The following CACNA2D1 variants were observed in gnomAD, a reference collection of about 807,000 sequenced individuals.
The protein encoded by CACNA2D1 is voltage-dependent calcium channel subunit alpha-2/delta-1.
Under a neutral mutation model 171.5 loss-of-function variants are expected in CACNA2D1, and 53 were observed. The ratio of observed to expected loss-of-function variants is 0.31; its 90% CI spans 0.25 to 0.39. The LOEUF (loss-of-function observed/expected upper bound fraction) is 0.39. Among genes scored for constraint, CACNA2D1 ranks in the 10% least tolerant of loss-of-function variants. The pLI is 1.00. For missense variants in CACNA2D1, 903 were observed against 1,299.8 expected (o/e 0.69, Z 4.69); for synonymous variants, 442 against 443.1 (o/e 1.00, Z 0.03).
At chr7:82,429,392 G>A (rs1829479803) in intron 1 of CACNA2D1, among the ~76,000 whole-genome samples, 1 of 152,018 alleles carries the variant, frequency 6.6e-6, no homozygotes, top group African/African-American at 2.4e-5. Flanking sequence ...GGCAACAGAA[G>A]GAAGAAGGAA....
intron 1 of CACNA2D1, among the ~76,000 whole-genome samples, chr7:82,416,825 C>A (rs1828224416): frequency 6.6e-6 from 1 of 152,138 alleles, no homozygotes; most frequent in African/African-American, 2.4e-5. Flanking sequence ...CAAGTCAACC[C>A]ATGTGGGTAC....
chr7:82,102,835 C>T (rs182569414), intron 6 of CACNA2D1, among the ~76,000 whole-genome samples: 60 of 152,214 alleles, frequency 3.9e-4, no homozygotes, highest in African/African-American at 1.2e-3. Context: ...GTGCATAATC[C>T]TATGTGTTGA....
intron 4 of CACNA2D1, among the ~76,000 whole-genome samples, chr7:82,142,005 G>A (rs1792453089): frequency 6.6e-6 from 1 of 152,054 alleles, no homozygotes; most frequent in African/African-American, 2.4e-5. Context: ...ATGTCTTTAT[G>A]CAAATTATTA....
chr7:82,394,827 T>G (rs1046063053), intron 1 of CACNA2D1, among the ~76,000 whole-genome samples: 1 of 152,168 alleles, frequency 6.6e-6, no homozygotes, highest in Non-Finnish European at 1.5e-5. Context: ...TTAGTGAGAA[T>G]GTACATAAAG....
chr7:82,318,881 A>G (rs1585470592), intron 3 of CACNA2D1, among the ~76,000 whole-genome samples: 1 of 85,198 alleles, frequency 1.2e-5, no homozygotes, highest in Non-Finnish European at 3.2e-5. Context: ...GAAGAGGGAG[A>G]AGAAGAAGAG....
chr7:82,238,745 T>C (rs1382889530), intron 3 of CACNA2D1, among the ~76,000 whole-genome samples: 1 of 152,088 alleles, frequency 6.6e-6, no homozygotes, highest in Non-Finnish European at 1.5e-5. Flanking sequence ...GTCAGTGTTA[T>C]CTGTATGTCT....
chr7:82,225,853 A>C (rs906523273), intron 3 of CACNA2D1, among the ~76,000 whole-genome samples: 1 of 152,208 alleles, frequency 6.6e-6, no homozygotes, highest in African/African-American at 2.4e-5. Flanking sequence ...ATTTAATTGA[A>C]TATCAATGCA....
intron 5 of CACNA2D1, among the ~76,000 whole-genome samples, chr7:82,127,141 T>C (rs73155529): frequency 0.02 from 3,085 of 152,368 alleles, 58 homozygotes; most frequent in Non-Finnish European, 0.031. Context: ...GAAACTACAT[T>C]GTCTGTTTTA....
intron 10 of CACNA2D1, among the ~76,000 whole-genome samples, chr7:82,052,749 G>A (rs539596749): frequency 6.6e-6 from 1 of 152,290 alleles, no homozygotes; most frequent in South Asian, 2.1e-4. Flanking sequence ...AAATATTCCT[G>A]AAGATTTAGC....
chr7:82,040,804 G>A (rs1425362422), intron 10 of CACNA2D1, among the ~76,000 whole-genome samples: 10 of 152,030 alleles, frequency 6.6e-5, no homozygotes, highest in South Asian at 2.1e-4. Context: ...GAGAAACCCC[G>A]TCTCTACTAA....
intron 3 of CACNA2D1, among the ~76,000 whole-genome samples, chr7:82,332,512 A>AAGAAAG (rs1554514837): frequency 3.9e-5 from 3 of 77,802 alleles, no homozygotes; most frequent in African/African-American, 1.5e-4. Context: ...AAGAAATATA[A>AAGAAAG]AGAAAGAAAG....
chr7:82,143,857 A>G (rs936020702), intron 4 of CACNA2D1, among the ~76,000 whole-genome samples: 1 of 152,184 alleles, frequency 6.6e-6, no homozygotes. Context: ...CCAGTAAATC[A>G]GGAGTTTCTA....
chr7:82,343,721 T>C (rs1441203615), intron 2 of CACNA2D1, among the ~76,000 whole-genome samples: 1 of 152,184 alleles, frequency 6.6e-6, no homozygotes, highest in Non-Finnish European at 1.5e-5. Flanking sequence ...AAGCTATATA[T>C]AAATTTGAAT....
At chr7:82,166,620 T>A (rs1418969064) in intron 4 of CACNA2D1, among the ~76,000 whole-genome samples, 1 of 152,082 alleles carries the variant, frequency 6.6e-6, no homozygotes, top group Non-Finnish European at 1.5e-5. Flanking sequence ...GCAGAACAAT[T>A]AGCTTTCCAA....
intron 10 of CACNA2D1, among the ~76,000 whole-genome samples, chr7:82,046,544 T>C (rs925221699): frequency 3.3e-5 from 5 of 152,198 alleles, no homozygotes; most frequent in African/African-American, 1.2e-4. Context: ...CCAAAACTGA[T>C]TCAATTATCT....
chr7:82,292,515 A>C (rs1250546320), intron 3 of CACNA2D1, among the ~76,000 whole-genome samples: 1 of 152,104 alleles, frequency 6.6e-6, no homozygotes, highest in African/African-American at 2.4e-5. Context: ...TACGTGCTTT[A>C]CCTTACACTT....
intron 3 of CACNA2D1, among the ~76,000 whole-genome samples, chr7:82,180,302 T>C (rs1796986843): frequency 6.6e-6 from 1 of 152,306 alleles, no homozygotes; most frequent in East Asian, 1.9e-4. Flanking sequence ...GTTCATCAGC[T>C]GTAACACATA....
chr7:82,370,896 A>G (rs1253121462), intron 1 of CACNA2D1, among the ~76,000 whole-genome samples: 1 of 152,206 alleles, frequency 6.6e-6, no homozygotes, highest in African/African-American at 2.4e-5. Context: ...AAAATAATTA[A>G]TGAAAAGATC....
intron 6 of CACNA2D1, 125 bp from the exon 7 acceptor site, chr7:82,085,025 G>A: frequency 1.1e-6 from 1 of 872,350 alleles, no homozygotes; most frequent in East Asian, 2.7e-5. Context: ...CTCTAATCCA[G>A]TAGTTATCAA....
Sources: allele counts gnomAD v4.1 joint callset (sites outside exome capture counted in the v4.1 genomes callset), GRCh38; gene constraint gnomAD v4.1.1; transcripts MANE v1.5; gene names NCBI Gene and HGNC (gene_info 2026-07-23, HGNC 2026-07-21).